R3HDM2: variants seen among roughly 807,000 people sequenced by gnomAD.
R3HDM2 encodes R3H domain containing 2.
Under a neutral mutation model 124.5 loss-of-function variants are expected in R3HDM2, and 38 were observed. The ratio of observed to expected loss-of-function variants is 0.31; its 90% CI spans 0.24 to 0.40. The LOEUF is 0.40. Ranked by LOEUF, R3HDM2 falls within the 10% of genes least tolerant of loss-of-function variation. R3HDM2 has a pLI of 1.00. For missense variants in R3HDM2, 869 were observed against 1,236.9 expected, an observed-to-expected ratio of 0.70 and a Z score of 4.46; for synonymous variants, 391 against 448.0, an observed-to-expected ratio of 0.87 and a Z score of 1.61.
intron 2 of R3HDM2, among the ~76,000 whole-genome samples, chr12:57,345,068 G>T (rs1423636498): frequency 2.0e-5 from 3 of 151,870 alleles, no homozygotes; most frequent in African/African-American, 7.3e-5. Flanking sequence ...TCCCGACCTC[G>T]GGTGATCTGC....
intron 2 of R3HDM2, among the ~76,000 whole-genome samples, chr12:57,381,476 C>T (rs1329909170): frequency 1.4e-5 from 2 of 141,004 alleles, no homozygotes; most frequent in Non-Finnish European, 3.0e-5. Context: ...ATCCAGGAGG[C>T]GGAAGTTGCA....
At chr12:57,416,810 C>A (rs1197148613) in intron 1 of R3HDM2, among the ~76,000 whole-genome samples, 2 of 150,710 alleles carry the variant, frequency 1.3e-5, no homozygotes, top group Non-Finnish European at 3.0e-5. Context: ...TCTGTCCCCC[C>A]CGCCCCACAA....
chr12:57,387,880 G>T (rs1263286671), intron 2 of R3HDM2, among the ~76,000 whole-genome samples: 1 of 152,190 alleles, frequency 6.6e-6, no homozygotes, highest in African/African-American at 2.4e-5. Context: ...CAGGGTCACA[G>T]AGGGAGAAAA....
At chr12:57,370,513 G>T (rs1249404187) in intron 2 of R3HDM2, among the ~76,000 whole-genome samples, 1 of 151,640 alleles carries the variant, frequency 6.6e-6, no homozygotes, top group Non-Finnish European at 1.5e-5. Context: ...GGTGGTGCAT[G>T]CCTGTAATCC....
At chr12:57,422,643 T>C (rs754069447) in intron 1 of R3HDM2, among the ~76,000 whole-genome samples, 14 of 152,044 alleles carry the variant, frequency 9.2e-5, no homozygotes, top group East Asian at 1.9e-4. Flanking sequence ...GAACGAGAGA[T>C]AGGGAGAATA....
intron 1 of R3HDM2, among the ~76,000 whole-genome samples, chr12:57,398,262 C>G (rs565095735): frequency 7.2e-5 from 11 of 151,798 alleles, no homozygotes; most frequent in Admixed American, 6.6e-4. Context: ...CGTATCTGTA[C>G]CTGCAATTCT....
chr12:57,358,042 G>A (rs1396163429), intron 2 of R3HDM2, among the ~76,000 whole-genome samples: 1 of 150,028 alleles, frequency 6.7e-6, no homozygotes, highest in Non-Finnish European at 1.5e-5. Flanking sequence ...GTAGTGGCAC[G>A]ATCTCGGATC....
At chr12:57,418,649 C>T (rs1162828684) in intron 1 of R3HDM2, among the ~76,000 whole-genome samples, 1 of 151,654 alleles carries the variant, frequency 6.6e-6, no homozygotes. Context: ...ACCTCTGTCT[C>T]CCCGGTTCAA....
intron 1 of R3HDM2, among the ~76,000 whole-genome samples, chr12:57,414,495 A>AC (rs2069360690): frequency 1.0e-5 from 1 of 99,526 alleles, no homozygotes; most frequent in Non-Finnish European, 2.5e-5. Flanking sequence ...TTAAAAAAAA[A>AC]AAAAAAAAAA....
chr12:57,266,094 G>GCC, intron 19 of R3HDM2, among the ~76,000 whole-genome samples: 1 of 147,266 alleles, frequency 6.8e-6, no homozygotes, highest in South Asian at 2.1e-4. Flanking sequence ...TCCGCACCTG[G>GCC]CCATAATTTT....
chr12:57,406,099 A>T (rs1002424020), intron 1 of R3HDM2, among the ~76,000 whole-genome samples: 1 of 152,190 alleles, frequency 6.6e-6, no homozygotes, highest in African/African-American at 2.4e-5. Context: ...ACACAGGCAG[A>T]TCACCTGAGG....
At chr12:57,413,119 C>T (rs1439041277) in intron 1 of R3HDM2, among the ~76,000 whole-genome samples, 1 of 151,954 alleles carries the variant, frequency 6.6e-6, no homozygotes, top group Admixed American at 6.6e-5. Context: ...TGCCACTACA[C>T]TCCAGCCTGG....
At chr12:57,360,010 T>A (rs187096571) in intron 2 of R3HDM2, among the ~76,000 whole-genome samples, 4,168 of 88,518 alleles carry the variant, frequency 0.047, 112 homozygotes, top group South Asian at 0.14. Context: ...TAAATAAATA[T>A]ATATATATAT....
chr12:57,358,043 A>C (rs1190452595), intron 2 of R3HDM2, among the ~76,000 whole-genome samples: 2 of 149,014 alleles, frequency 1.3e-5, no homozygotes, highest in Non-Finnish European at 3.0e-5. Context: ...TAGTGGCACG[A>C]TCTCGGATCA....
chr12:57,413,234 G>T (rs2069173418), intron 1 of R3HDM2, among the ~76,000 whole-genome samples: 1 of 151,998 alleles, frequency 6.6e-6, no homozygotes, highest in Non-Finnish European at 1.5e-5. Flanking sequence ...CCAATCTTCT[G>T]TGCAATATCC....
chr12:57,338,178 C>T (rs2059112018), intron 2 of R3HDM2, among the ~76,000 whole-genome samples: 1 of 152,162 alleles, frequency 6.6e-6, no homozygotes, highest in African/African-American at 2.4e-5. Flanking sequence ...TGGCGCATGC[C>T]TGTACTCCCA....
At position 57,296,664 on chromosome 12, in the gene R3HDM2, CATATT is replaced by C. The variant is rs1461166984; in HGVS notation, c.561-118_561-114del. Reference sequence around the variant, plus strand: ...TGGAAAGTTTCTTAGGAGAAATAGACATATTATAAGGAATATAGATATTTACTAAA... The same window carrying C: ...TGGAAAGTTTCTTAGGAGAAATAGACATAAGGAATATAGATATTTACTAAA... On this transcript the variant is annotated intron_variant, in intron 8 of 23. Transcript: ENST00000402412. This position sits in a 1 kb window ranked among gnomAD's most constrained non-coding sequence, Gnocchi z 4.5. 4.5e-5 allele frequency: 50 copies of C among 1,120,912 alleles called. No homozygotes were observed. The African/African-American group carries it at 6.2e-4, about 14-fold the overall frequency. The allele number at this position is 1,120,912 out of a possible 1,614,324, so 69.4% of individuals were successfully genotyped here. A position where few individuals can be genotyped will look rare whatever the true frequency, so the allele number is the denominator to read the frequency against.
intron 1 of R3HDM2, among the ~76,000 whole-genome samples, chr12:57,412,890 G>A (rs2069137729): frequency 2.6e-5 from 4 of 151,434 alleles, no homozygotes; most frequent in South Asian, 2.1e-4. Flanking sequence ...AGTGGCTCAC[G>A]CCTGTAATCC....
chr12:57,292,352 C>A (rs1330476407), intron 11 of R3HDM2, among the ~76,000 whole-genome samples: 6 of 152,176 alleles, frequency 3.9e-5, no homozygotes, highest in Non-Finnish European at 1.5e-5. Context: ...TCTTTGAATA[C>A]CATATGGCAG....
Sources: gnomAD v4.1 joint callset for allele counts (sites outside exome capture counted in the v4.1 genomes callset) on GRCh38, gnomAD v4.1.1 for gene constraint, Gnocchi (gnomAD v3.1) non-coding constraint, MANE v1.5 for transcripts, NCBI Gene and HGNC (gene_info 2026-07-23, HGNC 2026-07-21) for gene names.